EFCAB11: variants seen among roughly 807,000 people sequenced by gnomAD.
The protein encoded by EFCAB11 is EF-hand calcium binding domain 11.
In EFCAB11, 14 loss-of-function variants were observed where a neutral mutation model predicts 23.0. The observed-to-expected ratio is 0.61, with a 90% CI of 0.40 to 0.95. The LOEUF is 0.95. EFCAB11 is among the 40% of genes least tolerant of loss of function. The pLI, the probability that EFCAB11 is intolerant of heterozygous loss-of-function variation, is 0.00. For synonymous variants in EFCAB11, 65 were observed against 66.6 expected (o/e 0.98, Z 0.11); for missense variants, 198 against 195.8 (o/e 1.01, Z -0.07).
intron 5 of EFCAB11, among the ~76,000 whole-genome samples, chr14:89,918,029 G>A (rs975267796): frequency 6.6e-6 from 1 of 152,174 alleles, no homozygotes; most frequent in Non-Finnish European, 1.5e-5. Context: ...AATGAACCCT[G>A]AGAAAAAGGA....
At chr14:89,798,765 T>G (rs577735108) in intron 5 of EFCAB11, among the ~76,000 whole-genome samples, 1 of 152,312 alleles carries the variant, frequency 6.6e-6, no homozygotes, top group African/African-American at 2.4e-5. Context: ...ACTTTCTCAG[T>G]AAACGACCTC....
chr14:89,949,333 G>A (rs1401688235), intron 3 of EFCAB11, among the ~76,000 whole-genome samples: 1 of 151,924 alleles, frequency 6.6e-6, no homozygotes, highest in Non-Finnish European at 1.5e-5. Context: ...ACAAAATAAA[G>A]ATGTGCTTAA....
At chr14:89,872,894 T>C (rs144207001) in intron 5 of EFCAB11, among the ~76,000 whole-genome samples, 57 of 152,096 alleles carry the variant, frequency 3.7e-4, no homozygotes, top group Non-Finnish European at 6.8e-4. Context: ...TATGTGAAGA[T>C]ACAGAGAGAA....
chr14:89,929,887 T>G (rs1890331363), intron 5 of EFCAB11, among the ~76,000 whole-genome samples: 1 of 152,240 alleles, frequency 6.6e-6, no homozygotes, highest in Admixed American at 6.5e-5. Context: ...TTAAAAACAT[T>G]TTTCAAAAAT....
rs745852225 is a variant in EFCAB11 at position 89,931,643 on chromosome 14, CA to C, written c.320-13del. Reference sequence around the variant, plus strand: ...TAAAAATCCACGATCTATTTGAAAACAATAAAAAATATTCACTTACTTTAAT... The same window carrying C: ...TAAAAATCCACGATCTATTTGAAAACATAAAAAATATTCACTTACTTTAAT... On this transcript the variant is annotated splice_polypyrimidine_tract_variant and intron_variant, in intron 4 of 5. Coordinates refer to ENST00000316738, the MANE Select transcript of EFCAB11 (RefSeq NM_145231.4). The C allele has an allele frequency of 1.7e-5, 28 of 1,609,620 alleles. No homozygotes were observed. Among genetic ancestry groups the C allele is most frequent in the Non-Finnish European group, 2.4e-5 (28 of 1,177,014 alleles).
chr14:89,846,636 C>T (rs1290850269), intron 5 of EFCAB11, among the ~76,000 whole-genome samples: 1 of 152,202 alleles, frequency 6.6e-6, no homozygotes, highest in African/African-American at 2.4e-5. Context: ...ACTCCCTGTA[C>T]TCACAACTCA....
At chr14:89,826,490 T>C (rs930261818) in intron 5 of EFCAB11, among the ~76,000 whole-genome samples, 1 of 151,830 alleles carries the variant, frequency 6.6e-6, no homozygotes, top group African/African-American at 2.4e-5. Context: ...TAGGATGTCA[T>C]TGGAGGTTTT....
At chr14:89,905,265 A>G (rs867731537) in intron 5 of EFCAB11, among the ~76,000 whole-genome samples, 1 of 152,160 alleles carries the variant, frequency 6.6e-6, no homozygotes, top group Non-Finnish European at 1.5e-5. Flanking sequence ...TTACCATAAA[A>G]ATTCCTCTCC....
intron 3 of EFCAB11, among the ~76,000 whole-genome samples, chr14:89,935,355 G>A (rs536519748): frequency 6.7e-6 from 1 of 148,936 alleles, no homozygotes; most frequent in East Asian, 2.0e-4. Flanking sequence ...CAAACAAGAT[G>A]TTATTTCTAG....
intron 2 of EFCAB11, among the ~76,000 whole-genome samples, chr14:89,950,476 T>G (rs1174971165): frequency 6.6e-6 from 1 of 152,180 alleles, no homozygotes; most frequent in Non-Finnish European, 1.5e-5. Context: ...CAAATACAAC[T>G]GTTATAATGG....
chr14:89,833,806 C>T (rs977356761), intron 5 of EFCAB11, among the ~76,000 whole-genome samples: 3 of 152,176 alleles, frequency 2.0e-5, no homozygotes, highest in African/African-American at 4.8e-5. Flanking sequence ...TAGGAGAACA[C>T]TGTGTGGCTT....
At chr14:89,895,812 A>C (rs1057338666) in intron 5 of EFCAB11, among the ~76,000 whole-genome samples, 1 of 152,256 alleles carries the variant, frequency 6.6e-6, no homozygotes, top group Non-Finnish European at 1.5e-5. Context: ...AACTAAATTT[A>C]CTTATGTCTG....
intron 5 of EFCAB11, among the ~76,000 whole-genome samples, chr14:89,845,350 A>T (rs1887397837): frequency 6.6e-6 from 1 of 152,212 alleles, no homozygotes; most frequent in South Asian, 2.1e-4. Context: ...GAAACAAATT[A>T]ATATGATTTT....
intron 5 of EFCAB11, among the ~76,000 whole-genome samples, chr14:89,808,854 T>C (rs546019131): frequency 2.0e-4 from 30 of 152,260 alleles, no homozygotes; most frequent in African/African-American, 7.0e-4. Context: ...TATACAAGCA[T>C]TTAGAAAATT....
chr14:89,939,569 C>T lies in EFCAB11; in HGVS notation c.218-6942G>A, dbSNP rs143423505. 6.5e-3 allele frequency among the ~76,000 whole-genome samples: 992 copies of T among 152,324 alleles called. 6 individuals are homozygous for T. Among genetic ancestry groups the T allele is most frequent in the Middle Eastern group, 0.02 (6 of 294 alleles). On this transcript the variant is annotated intron_variant, in intron 3 of 5. Coordinates refer to ENST00000316738, the MANE Select transcript of EFCAB11 (RefSeq NM_145231.4). The stretch of plus-strand genomic sequence containing the variant: ...CCGCCTCTTTTCTCCTTTGCTCCAT[C>T]ACTATTTCAAATCCCACCCATCCTT...
intron 5 of EFCAB11, among the ~76,000 whole-genome samples, chr14:89,866,631 AC>A (rs1458936878): frequency 6.6e-6 from 1 of 152,128 alleles, no homozygotes; most frequent in African/African-American, 2.4e-5. Context: ...CACTTGGCTG[AC>A]CCAGCCTTGA....
chr14:89,936,594 T>C (rs746117782), intron 3 of EFCAB11, among the ~76,000 whole-genome samples: 1 of 152,230 alleles, frequency 6.6e-6, no homozygotes, highest in Non-Finnish European at 1.5e-5. Flanking sequence ...GCATATATTG[T>C]GTGAACATAT....
chr14:89,860,366 A>AAAACAAACAAAC lies in EFCAB11; in HGVS notation c.411-63054_411-63043dup, dbSNP rs372088634. Among the ~76,000 whole-genome samples, 141 of 151,544 alleles carry AAAACAAACAAAC rather than the reference A, an allele frequency of 9.3e-4. 1 individual carries two copies. The highest frequency in any genetic ancestry group is 3.0e-3 in the African/African-American group (124 of 40,952). Reference sequence around the variant, plus strand: ...GCGACAAGAGTGAAAACTCCATCTCAAAACAAACAAACAAACAAACAAACA... The same window carrying AAAACAAACAAAC: ...GCGACAAGAGTGAAAACTCCATCTCAAAACAAACAAACAAACAAACAAACAAACAAACAAACA... On this transcript the variant is annotated intron_variant, in intron 5 of 5. Transcript: ENST00000316738.
At chr14:89,898,754 C>T (rs1030013327) in intron 5 of EFCAB11, among the ~76,000 whole-genome samples, 3 of 150,504 alleles carry the variant, frequency 2.0e-5, no homozygotes, top group Admixed American at 1.3e-4. Flanking sequence ...TCACTGAAAC[C>T]TCCAATTTCT....
Sources: gnomAD v4.1 joint callset for allele counts (sites outside exome capture counted in the v4.1 genomes callset) on GRCh38, gnomAD v4.1.1 for gene constraint, MANE v1.5 for transcripts, NCBI Gene and HGNC (gene_info 2026-07-23, HGNC 2026-07-21) for gene names.